The following NAALADL2 variants were observed in gnomAD, a reference collection of about 807,000 sequenced individuals.
The protein encoded by NAALADL2 is N-acetylated alpha-linked acidic dipeptidase like 2, also known as inactive N-acetylated-alpha-linked acidic dipeptidase-like protein 2.
NAALADL2 carries 76 observed loss-of-function variants against 87.2 expected under a neutral mutation model. That is an observed-to-expected ratio of 0.87 (90% confidence interval 0.72 to 1.05). The LOEUF (loss-of-function observed/expected upper bound fraction) is 1.05, where lower values mean the gene tolerates loss of function less well. NAALADL2 is among the 50% of genes least tolerant of loss of function. The pLI, the probability that NAALADL2 is intolerant of heterozygous loss-of-function variation, is 0.00. For synonymous variants in NAALADL2, 354 were observed against 331.0 expected (o/e 1.07, Z -0.75); for missense variants, 1,089 against 945.8 (o/e 1.15, Z -1.99).
chr3:174,982,029 A>G (rs1051669325), intron 1 of NAALADL2, among the ~76,000 whole-genome samples: 1 of 152,242 alleles, frequency 6.6e-6, no homozygotes, highest in African/African-American at 2.4e-5. Context: ...AAGGAAAGCT[A>G]GCAAGTCTAG....
chr3:174,490,356 G>A (rs996974501), intron 1 of NAALADL2, among the ~76,000 whole-genome samples: 1 of 152,114 alleles, frequency 6.6e-6, no homozygotes, highest in Non-Finnish European at 1.5e-5. Flanking sequence ...ATTGGTAAAT[G>A]TACAGAGACA....
intron 1 of NAALADL2, among the ~76,000 whole-genome samples, chr3:174,512,769 G>T (rs947698038): frequency 7.2e-5 from 11 of 152,018 alleles, no homozygotes; most frequent in Middle Eastern, 3.4e-3. Flanking sequence ...TGATCTTCTT[G>T]TTTCCCTTCT....
chr3:174,657,551 C>G (rs188887350), intron 2 of NAALADL2, among the ~76,000 whole-genome samples: 75 of 152,232 alleles, frequency 4.9e-4, no homozygotes, highest in Middle Eastern at 3.4e-3. Flanking sequence ...CCTGTGCCCC[C>G]ACACATGCAC....
intron 2 of NAALADL2, among the ~76,000 whole-genome samples, chr3:174,717,521 C>T (rs9820579): frequency 0.038 from 5,764 of 152,208 alleles, 164 homozygotes; most frequent in African/African-American, 0.078. Context: ...AATACTTAAT[C>T]CTTCAGTTTA....
chr3:174,684,037 C>T lies in NAALADL2; in HGVS notation c.-114-53604C>T, dbSNP rs981756059. 3.3e-5 allele frequency among the ~76,000 whole-genome samples: 5 copies of T among 151,512 alleles called. No homozygotes were observed. In the South Asian group the frequency reaches 1.0e-3, roughly 32 times the overall value. On this transcript the variant is annotated intron_variant, in intron 2 of 3. Coordinates refer to the NAALADL2 transcript ENST00000434257. Reference sequence around the variant, plus strand: ...TATAGGCTTCAATTTTTTTCTTATTCCCTCATGTGCAGATTACTTACTAAA... The same window carrying T: ...TATAGGCTTCAATTTTTTTCTTATTTCCTCATGTGCAGATTACTTACTAAA...
chr3:174,922,557 GA>G (rs1474322065), intron 1 of NAALADL2, among the ~76,000 whole-genome samples: 2 of 152,026 alleles, frequency 1.3e-5, no homozygotes, highest in Non-Finnish European at 2.9e-5. Flanking sequence ...TCCTAATGCT[GA>G]TTTTCTGTTC....
intron 2 of NAALADL2, among the ~76,000 whole-genome samples, chr3:174,673,330 G>A (rs1287960790): frequency 6.6e-6 from 1 of 151,992 alleles, no homozygotes; most frequent in East Asian, 1.9e-4. Flanking sequence ...TAGGAACTTG[G>A]AAGCAGAAAT....
At chr3:174,757,769 C>T (rs1213448073) in intron 3 of NAALADL2, among the ~76,000 whole-genome samples, 1 of 152,058 alleles carries the variant, frequency 6.6e-6, no homozygotes, top group Non-Finnish European at 1.5e-5. Flanking sequence ...TCCCAAAGTG[C>T]TAGGATTACA....
At chr3:174,919,601 G>A (rs1331190545) in intron 1 of NAALADL2, among the ~76,000 whole-genome samples, 1 of 152,106 alleles carries the variant, frequency 6.6e-6, no homozygotes. Context: ...CTCCACTGAA[G>A]TCCTCAACCT....
intron 5 of NAALADL2, among the ~76,000 whole-genome samples, chr3:175,409,393 A>T (rs1713039788): frequency 6.6e-6 from 1 of 151,946 alleles, no homozygotes; most frequent in South Asian, 2.1e-4. Context: ...TACTTCTAAA[A>T]ATCTTTAGTC....
chr3:174,464,547 G>C (rs1363930520), intron 1 of NAALADL2, among the ~76,000 whole-genome samples: 1 of 151,752 alleles, frequency 6.6e-6, no homozygotes, highest in African/African-American at 2.4e-5. Context: ...TGGTAGAGTA[G>C]TTTGTAAGCT....
chr3:174,837,238 G>C (rs1307008751), intron 3 of NAALADL2, among the ~76,000 whole-genome samples: 1 of 152,084 alleles, frequency 6.6e-6, no homozygotes, highest in African/African-American at 2.4e-5. Context: ...ACAATTGATA[G>C]ACATTAGCAA....
chr3:174,785,048 C>G (rs1018161274), intron 3 of NAALADL2, among the ~76,000 whole-genome samples: 1 of 151,936 alleles, frequency 6.6e-6, no homozygotes, highest in Non-Finnish European at 1.5e-5. Context: ...ATTTTAGATT[C>G]ACGGGGTACA....
Position 175,092,571 on chromosome 3 carries a change from T to C in NAALADL2, c.44-4219T>C, listed in dbSNP as rs137918641. On this transcript the variant is annotated intron_variant, in intron 1 of 13. Coordinates refer to ENST00000454872, the MANE Select transcript of NAALADL2 (RefSeq NM_207015.3). ...AATTTTCATTTTATTTCCATACTTA[T>C]CTTTATTTCCATATAATTTACTTTG... 3.4e-3 allele frequency among the ~76,000 whole-genome samples: 513 copies of C among 152,060 alleles called. 2 individuals carry two copies. Among genetic ancestry groups the C allele is most frequent in the Non-Finnish European group, 5.1e-3 (344 of 67,816 alleles).
intron 1 of NAALADL2, among the ~76,000 whole-genome samples, chr3:174,908,046 G>A (rs1248925206): frequency 3.2e-5 from 2 of 62,244 alleles, no homozygotes; most frequent in East Asian, 8.9e-4. Flanking sequence ...TTTTTTTTTG[G>A]CCTGAGATAA....
intron 11 of NAALADL2, among the ~76,000 whole-genome samples, chr3:175,645,101 C>T (rs967360470): frequency 6.6e-6 from 1 of 151,684 alleles, no homozygotes; most frequent in Non-Finnish European, 1.5e-5. Context: ...TGAAATAAGA[C>T]TCAGGCGAAG....
intron 1 of NAALADL2, among the ~76,000 whole-genome samples, chr3:175,039,975 A>T (rs1472858422): frequency 6.6e-6 from 1 of 152,178 alleles, no homozygotes; most frequent in African/African-American, 2.4e-5. Flanking sequence ...TTTTCTTTAC[A>T]AAAATGTATA....
At chr3:175,217,486 G>C (rs1432169394) in intron 2 of NAALADL2, among the ~76,000 whole-genome samples, 1 of 152,140 alleles carries the variant, frequency 6.6e-6, no homozygotes, top group African/African-American at 2.4e-5. Context: ...GATTTAGTTT[G>C]GAAATAGTTG....
Position 175,013,169 on chromosome 3 carries a change from A to AAAATATATTTATATATATAT in NAALADL2, c.44-83620_44-83619insAATATATTTATATATATATA, listed in dbSNP as rs1560475414. Among the ~76,000 whole-genome samples, 597 of 109,942 alleles carry AAAATATATTTATATATATAT rather than the reference A, an allele frequency of 5.4e-3. 63 individuals are homozygous for AAAATATATTTATATATATAT. The highest frequency in any genetic ancestry group is 0.017 in the African/African-American group (526 of 30,410). 72.1% of individuals were successfully genotyped at this position (109,942 alleles called of 152,430 possible). On this transcript the variant is annotated intron_variant, in intron 1 of 13. Coordinates refer to ENST00000454872, the MANE Select transcript of NAALADL2 (RefSeq NM_207015.3). ...AATACATATTTATATATAAATATGT[A>AAAATATATTTATATATATAT]ATACATATTTATATATAAATATATA...
Sources: gnomAD v4.1 joint callset for allele counts (sites outside exome capture counted in the v4.1 genomes callset) on GRCh38, gnomAD v4.1.1 for gene constraint, MANE v1.5 for transcripts, NCBI Gene and HGNC (gene_info 2026-07-23, HGNC 2026-07-21) for gene names.